SLC24A2: variants seen among roughly 807,000 people sequenced by gnomAD.
SLC24A2 encodes solute carrier family 24 member 2, also known as sodium/potassium/calcium exchanger 2.
In SLC24A2, 36 loss-of-function variants were observed where a neutral mutation model predicts 62.0. The observed-to-expected ratio is 0.58, with a 90% CI of 0.44 to 0.77. The LOEUF is 0.77. SLC24A2 is among the 30% of genes least tolerant of loss of function. The probability of loss-of-function intolerance (pLI) is 0.00; values close to 1 mark genes in which losing one functional copy is unlikely to be tolerated. For synonymous variants in SLC24A2, 358 were observed against 294.0 expected, an observed-to-expected ratio of 1.22 and a Z score of -2.23; for missense variants, 846 against 817.9, an observed-to-expected ratio of 1.03 and a Z score of -0.42.
chr9:20,039,695 G>C, the SLC24A2 span, among the ~76,000 whole-genome samples: 1 of 152,102 alleles, frequency 6.6e-6, no homozygotes, highest in Non-Finnish European at 1.5e-5. Context: ...ACTGGGCACA[G>C]GGGAAGAAAA....
the SLC24A2 span, among the ~76,000 whole-genome samples, chr9:19,970,613 C>A: frequency 2.0e-5 from 3 of 152,146 alleles, no homozygotes; most frequent in South Asian, 6.2e-4. Flanking sequence ...ATGTTAAGTT[C>A]ATTTGTTGAG....
chr9:19,889,682 C>T, the SLC24A2 span, among the ~76,000 whole-genome samples: 2 of 152,292 alleles, frequency 1.3e-5, no homozygotes, highest in South Asian at 2.1e-4. Flanking sequence ...ACTTGCCACT[C>T]ACACTGAATC....
chr9:20,019,652 T>C, the SLC24A2 span, among the ~76,000 whole-genome samples: 3 of 152,246 alleles, frequency 2.0e-5, no homozygotes, highest in Admixed American at 6.5e-5. Flanking sequence ...ATTCAGGACA[T>C]AGGCATGGGC....
At chr9:20,010,187 G>C in the SLC24A2 span, among the ~76,000 whole-genome samples, 1 of 152,176 alleles carries the variant, frequency 6.6e-6, no homozygotes, top group East Asian at 1.9e-4. Context: ...AGCAAAGTCT[G>C]CATGCTCAGC....
intron 2 of SLC24A2, among the ~76,000 whole-genome samples, chr9:19,634,140 A>T (rs1818248816): frequency 6.6e-6 from 1 of 151,914 alleles, no homozygotes; most frequent in African/African-American, 2.4e-5. Context: ...ATTTATCTGT[A>T]CCTCAATGGA....
chr9:19,509,417 C>T lies in SLC24A2; in HGVS notation c.*6736G>A, dbSNP rs951904141. On this transcript the variant is annotated 3_prime_UTR_variant, in exon 11 of 11. Coordinates refer to ENST00000341998, the MANE Select transcript of SLC24A2 (RefSeq NM_020344.4). The stretch of plus-strand genomic sequence containing the variant: ...CAGATAAACTCCAATTTACAATAAA[C>T]AATACAAAACAGGAATGACTCATGG... 1 of 152,032 alleles carries T rather than the reference C, an allele frequency of 6.6e-6. No homozygotes were observed. Among genetic ancestry groups the T allele is most frequent in the Non-Finnish European group, 1.5e-5 (1 of 67,976 alleles). The allele number at this position is 152,032 out of a possible 1,614,324, so 9.4% of individuals were successfully genotyped here. A position where few individuals can be genotyped will look rare whatever the true frequency, so the allele number is the denominator to read the frequency against.
the SLC24A2 span, among the ~76,000 whole-genome samples, chr9:19,950,366 A>G: frequency 6.6e-6 from 1 of 152,200 alleles, no homozygotes; most frequent in Non-Finnish European, 1.5e-5. Flanking sequence ...AAGCTGTCAG[A>G]CTTACAGATT....
chr9:19,678,359 G>A (rs1235111731), intron 2 of SLC24A2, among the ~76,000 whole-genome samples: 1 of 152,186 alleles, frequency 6.6e-6, no homozygotes, highest in African/African-American at 2.4e-5. Flanking sequence ...CTAACCTGCA[G>A]GAAGTTGCAT....
chr9:19,615,107 T>A (rs574427621), intron 4 of SLC24A2, among the ~76,000 whole-genome samples: 2 of 152,278 alleles, frequency 1.3e-5, no homozygotes, highest in African/African-American at 2.4e-5. Flanking sequence ...TAATGAAGGC[T>A]TTTGGCAAGG....
chr9:19,530,571 AT>A (rs1468850254), intron 8 of SLC24A2, among the ~76,000 whole-genome samples: 1 of 152,218 alleles, frequency 6.6e-6, no homozygotes, highest in African/African-American at 2.4e-5. Flanking sequence ...CATCTGAAAA[AT>A]ATCATAACTG....
At chr9:19,606,937 C>T (rs1837000539) in intron 4 of SLC24A2, among the ~76,000 whole-genome samples, 1 of 152,296 alleles carries the variant, frequency 6.6e-6, no homozygotes, top group East Asian at 1.9e-4. Context: ...TCAGCATGTA[C>T]ACATGAGTGT....
the SLC24A2 span, among the ~76,000 whole-genome samples, chr9:20,173,641 G>T: frequency 9.2e-5 from 14 of 151,798 alleles, no homozygotes; most frequent in Non-Finnish European, 1.8e-4. Flanking sequence ...ATACCTAACC[G>T]TGGAGGTAAA....
chr9:19,846,602 C>T, the SLC24A2 span, among the ~76,000 whole-genome samples: 56 of 152,108 alleles, frequency 3.7e-4, no homozygotes, highest in Non-Finnish European at 6.0e-4. Flanking sequence ...AAGTTAATAT[C>T]GATATGTGAG....
chr9:19,872,504 CA>C, the SLC24A2 span, among the ~76,000 whole-genome samples: 2 of 152,172 alleles, frequency 1.3e-5, no homozygotes. Context: ...TCGTTTTCCT[CA>C]CCTCTCCTCT....
At chr9:20,064,201 G>A in the SLC24A2 span, among the ~76,000 whole-genome samples, 6 of 151,344 alleles carry the variant, frequency 4.0e-5, no homozygotes, top group Non-Finnish European at 7.4e-5. Context: ...TATGGTAAAC[G>A]AAAAAAAAGT....
At chr9:20,164,702 C>G in the SLC24A2 span, among the ~76,000 whole-genome samples, 2 of 151,752 alleles carry the variant, frequency 1.3e-5, no homozygotes, top group African/African-American at 4.9e-5. Context: ...TATTGTGGCA[C>G]TATTCACAAT....
chr9:19,996,577 T>C, the SLC24A2 span, among the ~76,000 whole-genome samples: 1 of 151,570 alleles, frequency 6.6e-6, no homozygotes, highest in South Asian at 2.1e-4. Flanking sequence ...CTGTCTCTAC[T>C]AAAAAAATAC....
chr9:19,681,690 T>C (rs1325533361), intron 2 of SLC24A2, among the ~76,000 whole-genome samples: 1 of 152,142 alleles, frequency 6.6e-6, no homozygotes, highest in Non-Finnish European at 1.5e-5. Flanking sequence ...AAACATTCTT[T>C]ATGCAGCACA....
the SLC24A2 span, among the ~76,000 whole-genome samples, chr9:20,220,701 C>T: frequency 6.6e-6 from 1 of 152,130 alleles, no homozygotes; most frequent in Non-Finnish European, 1.5e-5. Context: ...GTCTCATCTC[C>T]TAACTTAGAA....
Sources: allele counts gnomAD v4.1 joint callset (sites outside exome capture counted in the v4.1 genomes callset), GRCh38; gene constraint gnomAD v4.1.1; transcripts MANE v1.5; gene names NCBI Gene and HGNC (gene_info 2026-07-23, HGNC 2026-07-21).